The following ERN1 variants were observed in gnomAD, a reference collection of about 807,000 sequenced individuals.
The protein encoded by ERN1 is serine/threonine-protein kinase/endoribonuclease IRE1.
A neutral mutation model predicts 113.1 loss-of-function variants in ERN1; 39 were observed. That is an observed-to-expected ratio of 0.34 (90% CI 0.27 to 0.45). The LOEUF (loss-of-function observed/expected upper bound fraction) is 0.45, where lower values mean the gene tolerates loss of function less well. Among genes scored for constraint, ERN1 ranks in the 20% least tolerant of loss-of-function variants. ERN1 has a pLI of 1.00. For synonymous variants in ERN1, 507 were observed against 515.9 expected (o/e 0.98, Z 0.23); for missense variants, 976 against 1,274.8 (o/e 0.77, Z 3.57).
Position 64,053,079 on chromosome 17 carries a change from G to A in ERN1, c.2054-100C>T, listed in dbSNP as rs568949509. ...TCGTCAGACTCCCAATATGCCTGCC[G>A]CCACCTCCAAATGTTCTGATTTTCA... On this transcript the variant is annotated intron_variant, in intron 16 of 21. Coordinates refer to ENST00000433197, the MANE Select transcript of ERN1 (RefSeq NM_001433.5). The A allele has an allele frequency of 2.0e-5, 21 of 1,028,952 alleles. No homozygotes were observed. In the South Asian group the frequency reaches 2.2e-4, roughly 11 times the overall value. The allele number at this position is 1,028,952 out of a possible 1,614,324, so 63.7% of individuals were successfully genotyped here. A position where few individuals can be genotyped will look rare whatever the true frequency, so the allele number is the denominator to read the frequency against.
chr17:64,107,337 T>C (rs1030656998), intron 1 of ERN1, among the ~76,000 whole-genome samples: 4 of 152,174 alleles, frequency 2.6e-5, no homozygotes, highest in African/African-American at 9.7e-5. Flanking sequence ...TTTTGTTTCT[T>C]TGAGACAGGG....
At chr17:64,096,864 A>C (rs1914244941) in intron 2 of ERN1, among the ~76,000 whole-genome samples, 1 of 152,242 alleles carries the variant, frequency 6.6e-6, no homozygotes, top group Admixed American at 6.5e-5. Context: ...AGCAGAATGA[A>C]GTGGCTCAGG....
intron 2 of ERN1, among the ~76,000 whole-genome samples, chr17:64,097,422 G>A (rs759365874): frequency 5.9e-5 from 9 of 152,134 alleles, no homozygotes; most frequent in Non-Finnish European, 1.3e-4. Flanking sequence ...CCCGAACCTC[G>A]GGCCAAATGA....
At chr17:64,094,544 C>T (rs911102917) in intron 2 of ERN1, among the ~76,000 whole-genome samples, 28 of 152,004 alleles carry the variant, frequency 1.8e-4, no homozygotes, top group African/African-American at 6.8e-4. Flanking sequence ...TATGACTGGC[C>T]CATCTCTCTC....
At chr17:64,062,227 C>T (rs117628324) in intron 10 of ERN1, among the ~76,000 whole-genome samples, 5,643 of 152,342 alleles carry the variant, frequency 0.037, 159 homozygotes, top group Non-Finnish European at 0.056. Flanking sequence ...GCTCTGATGC[C>T]GAAAGCACCC....
intron 2 of ERN1, among the ~76,000 whole-genome samples, chr17:64,084,967 T>A (rs1913879064): frequency 6.6e-6 from 1 of 152,206 alleles, no homozygotes; most frequent in Non-Finnish European, 1.5e-5. Context: ...TTTCCAACCC[T>A]TCTTCCCTGC....
At chr17:64,070,520 T>C (rs189857675) in intron 6 of ERN1, among the ~76,000 whole-genome samples, 3 of 152,280 alleles carry the variant, frequency 2.0e-5, no homozygotes, top group South Asian at 2.1e-4. Flanking sequence ...TCCTAAGCAG[T>C]CACTACAGTC....
rs1178546491 is a variant in ERN1, at chr17:64,044,198, C to T, written c.2724G>A (p.Lys908=). ...RDLLRAMRNK[K]HHYRELPAEV... is the part of the protein sequence containing the mutation. ...CTGCAGGCAGCTCCCGGTAGTGGTG[C>T]TTCTGCAAAGAGTTAGAAAGCTCGG... The change falls in exon 22 of 22, where the codon AAG becomes AAA. Residue 908 remains lysine (K), a splice_region_variant and synonymous_variant. Coordinates refer to ENST00000433197, the MANE Select transcript of ERN1 (RefSeq NM_001433.5). The surrounding 1 kb of genome is among the most constrained non-coding windows in gnomAD (Gnocchi z 4.1). 1 of 1,530,524 alleles carries T rather than the reference C, an allele frequency of 6.5e-7. No individual in the cohort carries two copies. The highest frequency in any genetic ancestry group is 8.8e-7 in the Non-Finnish European group (1 of 1,134,672). The allele number at this position is 1,530,524 out of a possible 1,614,324, so 94.8% of individuals were successfully genotyped here.
At chr17:64,065,174 G>A (rs748058629) in intron 9 of ERN1, 35 bp downstream of exon 9, 27 of 1,470,590 alleles carry the variant, frequency 1.8e-5, no homozygotes, top group Non-Finnish European at 2.1e-5. Flanking sequence ...AACAGAAGTG[G>A]TTAGGCAGCT....
intron 19 of ERN1, among the ~76,000 whole-genome samples, chr17:64,047,361 C>CA (rs991686645): frequency 7.9e-5 from 12 of 151,202 alleles, no homozygotes; most frequent in African/African-American, 2.7e-4. Flanking sequence ...AACGCTGTCT[C>CA]AAAAAAAATA....
chr17:64,078,482 T>C (rs956057745), intron 4 of ERN1, among the ~76,000 whole-genome samples: 3 of 152,218 alleles, frequency 2.0e-5, no homozygotes, highest in Non-Finnish European at 4.4e-5. Context: ...ATATATTGAT[T>C]TTTTCCTAAA....
At chr17:64,104,953 T>C (rs1005378015) in intron 1 of ERN1, among the ~76,000 whole-genome samples, 6 of 152,178 alleles carry the variant, frequency 3.9e-5, no homozygotes, top group African/African-American at 9.7e-5. Flanking sequence ...ACGAGGTTTA[T>C]AATCTCTGCT....
chr17:64,116,160 T>G (rs1914797448), intron 1 of ERN1, among the ~76,000 whole-genome samples: 1 of 152,130 alleles, frequency 6.6e-6, no homozygotes, highest in South Asian at 2.1e-4. Context: ...AGGTGGCTGA[T>G]TCCCAGGCAC....
At chr17:64,089,695 C>T (rs981818167) in intron 2 of ERN1, among the ~76,000 whole-genome samples, 1 of 151,948 alleles carries the variant, frequency 6.6e-6, no homozygotes. Flanking sequence ...AGACCCGAGC[C>T]GGGGTGGAGG....
intron 7 of ERN1, 200 bp downstream of exon 7, chr17:64,067,990 G>T: frequency 3.9e-6 from 2 of 509,464 alleles, no homozygotes; most frequent in Non-Finnish European, 7.1e-6. Context: ...ATTTTACTTC[G>T]GTTTCCCTTC....
chr17:64,061,733 T>C (rs1260168814), intron 10 of ERN1, among the ~76,000 whole-genome samples: 2 of 152,228 alleles, frequency 1.3e-5, no homozygotes, highest in Non-Finnish European at 2.9e-5. Context: ...GACTTGCTGG[T>C]AGGGCCCAGG....
In ERN1 at chr17:64,054,607, T is replaced by C; in HGVS notation, c.1763+131A>G. 2 of 988,832 alleles carry C rather than the reference T, an allele frequency of 2.0e-6. No individual in the cohort carries two copies. 61.3% of individuals were successfully genotyped at this position (988,832 alleles called of 1,614,324 possible). ...CGCTTGTCTCAGTGTGCAAGCTCCC[T>C]GGAGGCCGGACTCCATGCGTCTAGG... On this transcript the variant is annotated intron_variant, in intron 14 of 21. Coordinates refer to ENST00000433197, the MANE Select transcript of ERN1 (RefSeq NM_001433.5). This position sits in a 1 kb window ranked among gnomAD's most constrained non-coding sequence, Gnocchi z 4.9.
intron 2 of ERN1, among the ~76,000 whole-genome samples, chr17:64,086,893 C>T (rs1388724080): frequency 6.6e-6 from 1 of 151,930 alleles, no homozygotes; most frequent in African/African-American, 2.4e-5. Flanking sequence ...ATTCACCCGC[C>T]GTGGCCTCCC....
chr17:64,110,167 T>C (rs1356040050), intron 1 of ERN1, among the ~76,000 whole-genome samples: 2 of 152,184 alleles, frequency 1.3e-5, no homozygotes, highest in East Asian at 1.9e-4. Context: ...AAAAAATTCC[T>C]ACAATACACA....
Sources: gnomAD v4.1 joint callset for allele counts (sites outside exome capture counted in the v4.1 genomes callset) on GRCh38, gnomAD v4.1.1 for gene constraint, Gnocchi (gnomAD v3.1) non-coding constraint, MANE v1.5 for transcripts, NCBI Gene and HGNC (gene_info 2026-07-23, HGNC 2026-07-21) for gene names.